Variants in ZNF324B observed in about 807,000 individuals in gnomAD.
ZNF324B encodes the protein zinc finger protein 324B.
A neutral mutation model predicts 10.6 loss-of-function variants in ZNF324B; 7 were observed. The observed-to-expected ratio is 0.66, with a 90% CI of 0.38 to 1.24. The LOEUF (loss-of-function observed/expected upper bound fraction) is 1.24. Among genes scored for constraint, ZNF324B ranks in the 50% most tolerant of loss-of-function variants. The probability of loss-of-function intolerance (pLI) is 0.02; values close to 1 mark genes in which losing one functional copy is unlikely to be tolerated. For synonymous variants in ZNF324B, 316 were observed against 321.0 expected (o/e 0.98, Z 0.17); for missense variants, 640 against 764.7 (o/e 0.84, Z 1.92).
the ZNF324B span, among the ~76,000 whole-genome samples, chr19:58,426,830 A>G: frequency 6.6e-6 from 1 of 152,240 alleles, no homozygotes; most frequent in African/African-American, 2.4e-5. Flanking sequence ...GTGTACAATA[A>G]CAGGGTAGTC....
chr19:58,437,548 A>G, the ZNF324B span, among the ~76,000 whole-genome samples: 3 of 152,174 alleles, frequency 2.0e-5, no homozygotes, highest in South Asian at 2.1e-4. Context: ...CCTCCCAAAC[A>G]TAAGAAAATT....
chr19:58,429,208 A>C, the ZNF324B span: 1 of 152,232 alleles, frequency 6.6e-6, no homozygotes, highest in Non-Finnish European at 1.5e-5. Flanking sequence ...TATTAGGATG[A>C]ATTGTTTCAA....
the ZNF324B span, chr19:58,444,937 C>G: frequency 6.2e-6 from 1 of 162,210 alleles, no homozygotes; most frequent in East Asian, 1.9e-4. Flanking sequence ...AGAAAGTCCC[C>G]ATAAGCGCAA....
At chr19:58,453,347 AAAGCAAG>A in intron 1 of ZNF324B, 1 of 349,676 alleles carries the variant, frequency 2.9e-6, no homozygotes. Flanking sequence ...GCTTATTACA[AAAGCAAG>A]AAGGGCACAT....
At chr19:58,452,706 C>T in intron 1 of ZNF324B, 1 of 963,964 alleles carries the variant, frequency 1.0e-6, no homozygotes, top group Non-Finnish European at 1.2e-6. Flanking sequence ...TGTTGGTGTC[C>T]TGGGCTGAGG....
At chr19:58,453,574 T>A in intron 1 of ZNF324B, 122 bp from the exon 2 acceptor site, 1 of 1,368,074 alleles carries the variant, frequency 7.3e-7, no homozygotes, top group African/African-American at 1.4e-5. Flanking sequence ...CTGAAGATAA[T>A]CTCGGGGTGG....
upstream of ZNF324B, among the ~76,000 whole-genome samples, chr19:58,447,861 G>T (rs145335836): frequency 6.6e-6 from 1 of 152,334 alleles, no homozygotes; most frequent in East Asian, 1.9e-4. Flanking sequence ...CACTGTTCTC[G>T]TGGTAGTGAA....
intron 1 of ZNF324B, chr19:58,452,501 A>G (rs2052870409): frequency 6.5e-6 from 1 of 154,492 alleles, no homozygotes; most frequent in African/African-American, 2.4e-5. Flanking sequence ...GACCAGGTGA[A>G]TTCTGGTGGA....
the ZNF324B span, among the ~76,000 whole-genome samples, chr19:58,438,567 G>A: frequency 1.9e-4 from 28 of 144,428 alleles, no homozygotes; most frequent in African/African-American, 6.3e-4. Context: ...TCCGCCTCCC[G>A]GGTTCAAGCC....
chr19:58,456,624 C>G lies in ZNF324B; in HGVS notation c.*45C>G, dbSNP rs773580244. 1 of 1,580,358 alleles carries G rather than the reference C, an allele frequency of 6.3e-7. No homozygotes were observed. Among genetic ancestry groups the G allele is most frequent in the Non-Finnish European group, 8.6e-7 (1 of 1,161,416 alleles). On this transcript the variant is annotated 3_prime_UTR_variant, in exon 4 of 4. Coordinates refer to ENST00000336614, the MANE Select transcript of ZNF324B (RefSeq NM_207395.3). The surrounding 1 kb of genome is among the most constrained non-coding windows in gnomAD (Gnocchi z 4.7). ...ACCCTTTCTTGGCCTTCTGTGAATC[C>G]CTTCCACAGCTAAAGGGTCCGAGTG... is the stretch of plus-strand genomic sequence containing the variant.
In ZNF324B at chr19:58,455,813, G is replaced by A; in HGVS notation, c.869G>A (p.Cys290Tyr). 1 of 1,614,098 alleles carries A rather than the reference G, an allele frequency of 6.2e-7. No individual in the cohort carries two copies. The highest frequency in any genetic ancestry group is 8.5e-7 in the Non-Finnish European group (1 of 1,180,006). The part of the protein sequence containing the change: ...TGERPYECTQ[C>Y]GKAFSQTSHL... ...GAGCGGCCCTACGAGTGCACCCAGTGCGGCAAGGCCTTCAGCCAGACGTCG... is the reference window on the plus strand; with the variant it reads ...GAGCGGCCCTACGAGTGCACCCAGTACGGCAAGGCCTTCAGCCAGACGTCG... Residue 290 changes from cysteine to tyrosine, a missense_variant, in exon 4 of 4, where the codon TGC becomes TAC. Around this residue, in one of 3 missense-constraint regions of ZNF324B, gnomAD observed 345 missense variants for 387.9 expected, o/e 0.89. Transcript: ENST00000336614. This position sits in a 1 kb window ranked among gnomAD's most constrained non-coding sequence, Gnocchi z 7.0.
In ZNF324B at chr19:58,455,268, C is replaced by T. The variant is rs201481218; in HGVS notation, c.324C>T (p.Ser108=). 8.7e-6 allele frequency: 14 copies of T among 1,614,202 alleles called. No individual in the cohort carries two copies. In the African/African-American group the frequency reaches 9.3e-5, roughly 11 times the overall value. Reference sequence around the variant, plus strand: ...ATACCCCACCTGGGATGACTACTAGCGTCTTCCCAGTTGCCGATGCCTGCC... The same window carrying T: ...ATACCCCACCTGGGATGACTACTAGTGTCTTCCCAGTTGCCGATGCCTGCC... ...FPDTPPGMTT[S]VFPVADACHS... The change falls in exon 4 of 4, where the codon AGC becomes AGT. Residue 108 remains serine, a synonymous_variant. Coordinates refer to ENST00000336614, the MANE Select transcript of ZNF324B (RefSeq NM_207395.3). This position sits in a 1 kb window ranked among gnomAD's most constrained non-coding sequence, Gnocchi z 7.0.
the ZNF324B span, chr19:58,439,793 AT>A: frequency 6.5e-7 from 1 of 1,547,766 alleles, no homozygotes; most frequent in Non-Finnish European, 8.7e-7. Context: ...TGGCAACCCC[AT>A]TAGAACCTGT....
the ZNF324B span, chr19:58,441,252 T>A: frequency 6.6e-6 from 1 of 152,296 alleles, no homozygotes; most frequent in Admixed American, 6.5e-5. Flanking sequence ...TTGGAAAGTA[T>A]TTCAGTGGTT....
the ZNF324B span, chr19:58,437,134 G>A: frequency 6.2e-7 from 1 of 1,614,088 alleles, no homozygotes. Flanking sequence ...CACTCCTCTT[G>A]GGAGAAGTAT....
Position 58,457,156 on chromosome 19 carries a change from G to A in ZNF324B, c.*577G>A, listed in dbSNP as rs1017116548. 1.3e-5 allele frequency: 2 copies of A among 157,324 alleles called. No individual in the cohort carries two copies. Among genetic ancestry groups the A allele is most frequent in the Non-Finnish European group, 2.8e-5 (2 of 71,002 alleles). The allele number at this position is 157,324 out of a possible 1,614,324, so 9.7% of individuals were successfully genotyped here. On this transcript the variant is annotated 3_prime_UTR_variant, in exon 4 of 4. Transcript: ENST00000336614. ...AAAAGAAAAGCTTTGGGTCAACTCAGCATCATGTTTGCAGATGCTGACAGA... is the reference window on the plus strand; with the variant it reads ...AAAAGAAAAGCTTTGGGTCAACTCAACATCATGTTTGCAGATGCTGACAGA...
chr19:58,422,004 G>A, the ZNF324B span, among the ~76,000 whole-genome samples: 2 of 152,082 alleles, frequency 1.3e-5, no homozygotes, highest in Non-Finnish European at 2.9e-5. Context: ...TGCAACCTCC[G>A]CGTCCCGGGT....
upstream of ZNF324B, among the ~76,000 whole-genome samples, chr19:58,447,403 G>T (rs574406648): frequency 6.6e-6 from 1 of 152,344 alleles, no homozygotes; most frequent in South Asian, 2.1e-4. Context: ...GCTCTTGTGT[G>T]TACAGAAGGC....
At chr19:58,441,905 G>A in the ZNF324B span, 1 of 152,336 alleles carries the variant, frequency 6.6e-6, no homozygotes, top group Non-Finnish European at 1.5e-5. Flanking sequence ...GAGGTCCAAG[G>A]GGGCTTCTAC....
Sources: allele counts gnomAD v4.1 joint callset (sites outside exome capture counted in the v4.1 genomes callset), GRCh38; gene constraint gnomAD v4.1.1; regional missense constraint gnomAD v4.1.1; non-coding constraint Gnocchi (gnomAD v3.1); transcripts MANE v1.5; gene names NCBI Gene and HGNC (gene_info 2026-07-23, HGNC 2026-07-21).